SPIDR: variants seen among roughly 807,000 people sequenced by gnomAD.
The protein encoded by SPIDR is scaffold protein involved in DNA repair, also known as DNA repair-scaffolding protein.
In SPIDR, 93 loss-of-function variants were observed where a neutral mutation model predicts 104.6. The observed-to-expected ratio is 0.89, with a 90% CI of 0.75 to 1.06. The LOEUF is 1.06. Ranked by LOEUF, SPIDR falls within the 50% of genes least tolerant of loss-of-function variation. SPIDR has a pLI of 0.00. For missense variants in SPIDR, 1,154 were observed against 1,111.2 expected, an observed-to-expected ratio of 1.04 and a Z score of -0.55; for synonymous variants, 431 against 416.9, an observed-to-expected ratio of 1.03 and a Z score of -0.41.
At chr8:47,404,515 ACAACC>A (rs2062431989) in intron 6 of SPIDR, among the ~76,000 whole-genome samples, 1 of 152,224 alleles carries the variant, frequency 6.6e-6, no homozygotes, top group African/African-American at 2.4e-5. Flanking sequence ...AAAGAATCAA[ACAACC>A]CAATCAAAAA....
intron 5 of SPIDR, among the ~76,000 whole-genome samples, chr8:47,351,558 A>G (rs563975457): frequency 7.9e-5 from 12 of 152,332 alleles, no homozygotes; most frequent in African/African-American, 2.4e-4. Flanking sequence ...AACACAAGTT[A>G]AACAAAATGA....
chr8:47,501,679 T>C (rs186065095), intron 8 of SPIDR, among the ~76,000 whole-genome samples: 7 of 152,172 alleles, frequency 4.6e-5, no homozygotes, highest in Non-Finnish European at 8.8e-5. Flanking sequence ...TCCAACACCA[T>C]GTTGAATAGG....
intron 8 of SPIDR, among the ~76,000 whole-genome samples, chr8:47,545,503 G>A (rs1020425630): frequency 5.3e-5 from 8 of 152,012 alleles, no homozygotes; most frequent in African/African-American, 1.9e-4. Flanking sequence ...CAGTTTTGCT[G>A]AACTCATTTA....
intron 8 of SPIDR, among the ~76,000 whole-genome samples, chr8:47,543,752 AC>A (rs2088704852): frequency 1.3e-5 from 2 of 152,056 alleles, no homozygotes; most frequent in African/African-American, 4.8e-5. Flanking sequence ...GGACCTGAAA[AC>A]CCTCATAGCA....
intron 7 of SPIDR, 65 bp downstream of exon 7, chr8:47,408,026 A>G (rs1373738247): frequency 6.0e-6 from 5 of 831,304 alleles, no homozygotes; most frequent in South Asian, 6.0e-5. Context: ...GAATTCTTAC[A>G]TTAAAATATA....
At chr8:47,575,738 G>T (rs1419526927) in intron 8 of SPIDR, among the ~76,000 whole-genome samples, 1 of 151,604 alleles carries the variant, frequency 6.6e-6, no homozygotes, top group Non-Finnish European at 1.5e-5. Flanking sequence ...AAGGCAGGTG[G>T]ATCACAAGGT....
chr8:47,420,989 T>C (rs372198373), intron 7 of SPIDR, among the ~76,000 whole-genome samples: 32 of 152,400 alleles, frequency 2.1e-4, no homozygotes, highest in African/African-American at 7.7e-4. Flanking sequence ...GCTGTTAGTC[T>C]GATGGGCTTC....
At chr8:47,389,688 CAAAAAAAAAAA>C (rs11295388) in intron 5 of SPIDR, among the ~76,000 whole-genome samples, 6 of 62,026 alleles carry the variant, frequency 9.7e-5, no homozygotes, top group African/African-American at 3.1e-4. Flanking sequence ...GACTCCATCT[CAAAAAAAAAAA>C]AAAAAAAAAA....
chr8:47,465,414 G>A (rs1350659351), intron 8 of SPIDR, among the ~76,000 whole-genome samples: 1 of 152,142 alleles, frequency 6.6e-6, no homozygotes, highest in African/African-American at 2.4e-5. Flanking sequence ...AAAAGGCACA[G>A]CGTGGCAAGC....
chr8:47,577,996 G>A lies in SPIDR; in HGVS notation c.1098-17815G>A, dbSNP rs377212408. 1.1e-4 allele frequency among the ~76,000 whole-genome samples: 17 copies of A among 152,330 alleles called. No homozygotes were observed. In the East Asian group the frequency reaches 3.1e-3, roughly 28 times the overall value. Reference sequence around the variant, plus strand: ...CCTGGGAAGAGTAGTGCTGGCAAGAGTGGGAATGTATTTAGATTTGTATTC... The same window carrying A: ...CCTGGGAAGAGTAGTGCTGGCAAGAATGGGAATGTATTTAGATTTGTATTC... On this transcript the variant is annotated intron_variant, in intron 8 of 19. Transcript: ENST00000297423.
chr8:47,483,569 T>G (rs2077160984), intron 8 of SPIDR, among the ~76,000 whole-genome samples: 1 of 152,164 alleles, frequency 6.6e-6, no homozygotes, highest in Non-Finnish European at 1.5e-5. Flanking sequence ...AGATTATCTC[T>G]GAGGGAGGTG....
intron 1 of SPIDR, among the ~76,000 whole-genome samples, chr8:47,269,704 A>G (rs1018049921): frequency 6.6e-6 from 1 of 152,202 alleles, no homozygotes; most frequent in Non-Finnish European, 1.5e-5. Context: ...TATTGAATGT[A>G]AGTGGGAAGA....
chr8:47,531,697 A>G (rs992915862), intron 8 of SPIDR, among the ~76,000 whole-genome samples: 1 of 152,132 alleles, frequency 6.6e-6, no homozygotes, highest in Non-Finnish European at 1.5e-5. Context: ...TCCGGTATGC[A>G]TTTCTGTTCC....
At chr8:47,569,242 A>G (rs1423656461) in intron 8 of SPIDR, among the ~76,000 whole-genome samples, 2 of 152,162 alleles carry the variant, frequency 1.3e-5, no homozygotes, top group Non-Finnish European at 2.9e-5. Flanking sequence ...ATATACACCT[A>G]ACAAAGGTGC....
At chr8:47,634,086 C>A (rs1291482378) in intron 10 of SPIDR, among the ~76,000 whole-genome samples, 8 of 149,982 alleles carry the variant, frequency 5.3e-5, no homozygotes, top group Non-Finnish European at 8.9e-5. Context: ...CAGAGTAAGA[C>A]CCTGTCTCAA....
intron 11 of SPIDR, among the ~76,000 whole-genome samples, chr8:47,681,244 G>A (rs960731423): frequency 6.6e-6 from 1 of 152,134 alleles, no homozygotes; most frequent in Non-Finnish European, 1.5e-5. Flanking sequence ...CCTCCCACTA[G>A]TATTTTAAGT....
chr8:47,562,076 C>T (rs1472333167), intron 8 of SPIDR, among the ~76,000 whole-genome samples: 17 of 152,054 alleles, frequency 1.1e-4, no homozygotes, highest in Admixed American at 1.1e-3. Context: ...CTCTTTTATG[C>T]TTCCTTTATA....
chr8:47,345,662 T>G (rs1052515097), intron 5 of SPIDR, among the ~76,000 whole-genome samples: 8 of 152,238 alleles, frequency 5.3e-5, no homozygotes, highest in Admixed American at 1.3e-4. Flanking sequence ...GTAGTTCTCC[T>G]TGAAGAGGTC....
At chr8:47,480,903 T>A (rs1554726615) in intron 8 of SPIDR, among the ~76,000 whole-genome samples, 2 of 152,272 alleles carry the variant, frequency 1.3e-5, no homozygotes, top group Non-Finnish European at 2.9e-5. Flanking sequence ...ATGGTAATTT[T>A]ATTAACCTTG....
Sources: gnomAD v4.1 joint callset for allele counts (sites outside exome capture counted in the v4.1 genomes callset) on GRCh38, gnomAD v4.1.1 for gene constraint, MANE v1.5 for transcripts, NCBI Gene and HGNC (gene_info 2026-07-23, HGNC 2026-07-21) for gene names.